Variants in ADCY8 observed in about 807,000 individuals in gnomAD.
ADCY8 encodes the protein adenylate cyclase type 8.
A neutral mutation model predicts 119.7 loss-of-function variants in ADCY8; 51 were observed. The ratio of observed to expected loss-of-function variants is 0.43; its 90% confidence interval spans 0.34 to 0.54. The LOEUF (loss-of-function observed/expected upper bound fraction) is 0.54, where lower values mean the gene tolerates loss of function less well. Among genes scored for constraint, ADCY8 ranks in the 20% least tolerant of loss-of-function variants. The probability of loss-of-function intolerance (pLI) is 0.03; values close to 1 mark genes in which losing one functional copy is unlikely to be tolerated. For missense variants in ADCY8, 1,383 were observed against 1,598.8 expected (o/e 0.87, Z 2.30); for synonymous variants, 665 against 651.0 (o/e 1.02, Z -0.33).
chr8:130,916,172 T>C (rs941806996), intron 5 of ADCY8, among the ~76,000 whole-genome samples: 1 of 152,194 alleles, frequency 6.6e-6, no homozygotes, highest in Admixed American at 6.5e-5. Context: ...CCTGAACCCA[T>C]TGGTCCATTT....
At chr8:130,941,551 T>A (rs1015471136) in intron 4 of ADCY8, among the ~76,000 whole-genome samples, 3 of 152,188 alleles carry the variant, frequency 2.0e-5, no homozygotes, top group African/African-American at 7.2e-5. Context: ...CCACCACTGA[T>A]GCAACAATAA....
At chr8:130,945,676 G>A (rs183481451) in intron 3 of ADCY8, among the ~76,000 whole-genome samples, 1 of 152,344 alleles carries the variant, frequency 6.6e-6, no homozygotes, top group African/African-American at 2.4e-5. Flanking sequence ...ATTTGAGAGA[G>A]AAAGAGAAGA....
chr8:131,019,833 CTCTCTGTCTG>C (rs1385076056), intron 1 of ADCY8, among the ~76,000 whole-genome samples: 8 of 111,352 alleles, frequency 7.2e-5, no homozygotes, highest in African/African-American at 1.9e-4. Context: ...CTCTCTCTCT[CTCTCTGTCTG>C]TCTCTCTCTC....
intron 5 of ADCY8, among the ~76,000 whole-genome samples, chr8:130,915,345 G>T (rs1270592025): frequency 6.6e-6 from 1 of 152,146 alleles, no homozygotes; most frequent in African/African-American, 2.4e-5. Flanking sequence ...CATAGGAGTT[G>T]CTAGAGGAAT....
At chr8:130,888,767 T>C (rs1819080373) in intron 7 of ADCY8, among the ~76,000 whole-genome samples, 1 of 152,138 alleles carries the variant, frequency 6.6e-6, no homozygotes, top group Admixed American at 6.6e-5. Context: ...AGCTCATCAT[T>C]TGGTTTATGA....
chr8:130,913,466 T>G (rs1355794126), intron 5 of ADCY8, among the ~76,000 whole-genome samples: 1 of 152,124 alleles, frequency 6.6e-6, no homozygotes, highest in Non-Finnish European at 1.5e-5. Context: ...TTGATGTTAC[T>G]TTTGACCAAT....
intron 1 of ADCY8, among the ~76,000 whole-genome samples, chr8:131,029,761 T>C (rs1468638382): frequency 6.6e-6 from 1 of 152,042 alleles, no homozygotes; most frequent in Admixed American, 6.6e-5. Context: ...GGATAATTTC[T>C]GGTGTACTTT....
chr8:130,794,907 A>G (rs1029751709), intron 15 of ADCY8, among the ~76,000 whole-genome samples: 1 of 152,180 alleles, frequency 6.6e-6, no homozygotes, highest in African/African-American at 2.4e-5. Flanking sequence ...CATAAATTCA[A>G]TGCCCTTGCA....
chr8:130,831,508 G>A (rs1163848637), intron 12 of ADCY8, among the ~76,000 whole-genome samples: 1 of 152,180 alleles, frequency 6.6e-6, no homozygotes, highest in Non-Finnish European at 1.5e-5. Context: ...AGAATGATAG[G>A]TTGGAATCAT....
chr8:130,847,653 G>T, intron 10 of ADCY8, 140 bp from the exon 11 acceptor site: 1 of 635,316 alleles, frequency 1.6e-6, no homozygotes, highest in Non-Finnish European at 2.7e-6. Flanking sequence ...ACCCTAGAGG[G>T]GACTTGAAGT....
chr8:130,790,820 T>C (rs1172289529), intron 15 of ADCY8, among the ~76,000 whole-genome samples: 2 of 152,178 alleles, frequency 1.3e-5, no homozygotes, highest in Admixed American at 6.5e-5. Flanking sequence ...TGGGGCAATA[T>C]AGAAAGAGCC....
chr8:131,017,027 C>T (rs1823495291), intron 1 of ADCY8, among the ~76,000 whole-genome samples: 1 of 151,728 alleles, frequency 6.6e-6, no homozygotes, highest in South Asian at 2.1e-4. Context: ...ACTTTGGTGG[C>T]CTTGAGGACC....
In ADCY8 at chr8:130,786,792, C is replaced by A. The variant is rs140607314; in HGVS notation, c.3061-1317G>T. Among the ~76,000 whole-genome samples the A allele has an allele frequency of 9.7e-3, 1,475 of 152,102 alleles. 10 individuals carry two copies. The highest frequency in any genetic ancestry group is 0.015 in the Non-Finnish European group (993 of 67,980). On this transcript the variant is annotated intron_variant, in intron 15 of 17. Coordinates refer to ENST00000286355, the MANE Select transcript of ADCY8 (RefSeq NM_001115.3). ...AGGGTAGAGGGATGAGGAGATCAGGCCATTTTGATCTAATCTGAAGGATCT... is the reference window on the plus strand; with the variant it reads ...AGGGTAGAGGGATGAGGAGATCAGGACATTTTGATCTAATCTGAAGGATCT...
chr8:130,957,332 A>T (rs1821459832), intron 2 of ADCY8, among the ~76,000 whole-genome samples: 1 of 152,178 alleles, frequency 6.6e-6, no homozygotes, highest in Non-Finnish European at 1.5e-5. Context: ...GGAAATTTGA[A>T]CTTGAGAGAA....
At chr8:131,033,618 A>G (rs1021103339) in intron 1 of ADCY8, among the ~76,000 whole-genome samples, 2 of 149,924 alleles carry the variant, frequency 1.3e-5, no homozygotes, top group East Asian at 3.9e-4. Context: ...CAATCATTTT[A>G]CAACTCTCTA....
chr8:130,823,896 C>T (rs1175252502), intron 12 of ADCY8, among the ~76,000 whole-genome samples: 1 of 152,176 alleles, frequency 6.6e-6, no homozygotes, highest in Admixed American at 6.5e-5. Flanking sequence ...CTACTTCAGA[C>T]TTACTAAAAA....
At chr8:130,798,819 T>A (rs1815671689) in intron 15 of ADCY8, among the ~76,000 whole-genome samples, 1 of 152,056 alleles carries the variant, frequency 6.6e-6, no homozygotes, top group South Asian at 2.1e-4. Flanking sequence ...CTCAGCATGT[T>A]CACAACAGGC....
chr8:130,800,661 C>A (rs77817292), intron 14 of ADCY8, 89 bp from the exon 15 acceptor site: 1 of 1,368,882 alleles, frequency 7.3e-7, no homozygotes. Flanking sequence ...TGGGTACACA[C>A]GTGCACAGTC....
intron 12 of ADCY8, 111 bp downstream of exon 12, chr8:130,836,166 A>G (rs1727500291): frequency 5.0e-6 from 6 of 1,209,016 alleles, no homozygotes; most frequent in Non-Finnish European, 6.9e-6. Context: ...ATATAAGTCA[A>G]TATCCAATCA....
Sources: gnomAD v4.1 joint callset for allele counts (sites outside exome capture counted in the v4.1 genomes callset) on GRCh38, gnomAD v4.1.1 for gene constraint, MANE v1.5 for transcripts, NCBI Gene and HGNC (gene_info 2026-07-23, HGNC 2026-07-21) for gene names.